ZSCAN20: variants seen among roughly 807,000 people sequenced by gnomAD.
ZSCAN20 encodes the protein zinc finger and SCAN domain containing 20.
Under a neutral mutation model 97.1 loss-of-function variants are expected in ZSCAN20, and 39 were observed. The observed-to-expected ratio is 0.40, with a 90% confidence interval of 0.31 to 0.52. ZSCAN20 has a LOEUF of 0.52. ZSCAN20 is among the 20% of genes least tolerant of loss of function. The pLI is 0.49. For missense variants in ZSCAN20, 1,115 were observed against 1,290.4 expected, an observed-to-expected ratio of 0.86 and a Z score of 2.08; for synonymous variants, 456 against 467.3, an observed-to-expected ratio of 0.98 and a Z score of 0.31.
chr1:33,481,195 A>G (rs1652145597), intron 2 of ZSCAN20, among the ~76,000 whole-genome samples: 1 of 152,030 alleles, frequency 6.6e-6, no homozygotes, highest in Non-Finnish European at 1.5e-5. Flanking sequence ...CCACCCCCCT[A>G]TATTATTTCT....
chr1:33,479,664 G>A lies in ZSCAN20; in HGVS notation c.376G>A (p.Val126Met). Residue 126 changes from valine to methionine, a missense_variant, in exon 2 of 8, where the codon GTG becomes ATG. This residue lies in a region of ZSCAN20 where 508 missense variants were observed against 611.2 expected (regional missense o/e 0.83). Transcript: ENST00000684572. ...PESGEEAVAL[V>M]EDWHRETRTA... Reference sequence around the variant, plus strand: ...GAGTGGTGAGGAGGCTGTGGCCTTGGTGGAGGATTGGCACCGAGAGACCAG... The same window carrying A: ...GAGTGGTGAGGAGGCTGTGGCCTTGATGGAGGATTGGCACCGAGAGACCAG... 6.3e-7 allele frequency: 1 copy of A among 1,594,190 alleles called. No individual in the cohort carries two copies. The highest frequency in any genetic ancestry group is 8.5e-7 in the Non-Finnish European group (1 of 1,172,468).
chr1:33,488,907 AG>A (rs1652481997), intron 3 of ZSCAN20, among the ~76,000 whole-genome samples: 1 of 152,088 alleles, frequency 6.6e-6, no homozygotes, highest in Non-Finnish European at 1.5e-5. Context: ...TGATCACAGG[AG>A]GTCAGGGCTG....
In ZSCAN20 at chr1:33,479,629, G is replaced by A. The variant is rs751311263; in HGVS notation, c.341G>A (p.Arg114His). The A allele has an allele frequency of 1.2e-5, 19 of 1,611,402 alleles. No individual in the cohort carries two copies. Among genetic ancestry groups the A allele is most frequent in the South Asian group, 4.4e-5 (4 of 90,782 alleles). ...GAGGTCCAGACCTGGGTGCAGGCAC[G>A]CCACCCTGAGAGTGGTGAGGAGGCT... is the stretch of plus-strand genomic sequence containing the variant. ...PREVQTWVQA[R>H]HPESGEEAVA... The change falls in exon 2 of 8, where the codon CGC becomes CAC. Residue 114 changes from arginine (R) to histidine (H), a missense_variant. Arg to His is a conservative substitution (Grantham distance 29, BLOSUM62 0). This residue lies in a region of ZSCAN20 where 508 missense variants were observed against 611.2 expected (regional missense o/e 0.83). Transcript: ENST00000684572.
intron 2 of ZSCAN20, among the ~76,000 whole-genome samples, chr1:33,485,584 A>AT (rs565672286): frequency 0.64 from 94,851 of 147,788 alleles, 30,322 homozygotes; most frequent in East Asian, 0.72. Flanking sequence ...ACTTTTGTAT[A>AT]TTTTTTTTTT....
chr1:33,482,774 G>A (rs1330914433), intron 2 of ZSCAN20, among the ~76,000 whole-genome samples: 3 of 152,124 alleles, frequency 2.0e-5, no homozygotes, highest in Non-Finnish European at 2.9e-5. Context: ...GTAGATAGTG[G>A]TATTTTATTG....
In ZSCAN20 at chr1:33,488,486, G is replaced by A; in HGVS notation, c.439G>A (p.Glu147Lys). Reference protein sequence around the residue: ...GQSGLELHTEETRPLKTGEEA... With the variant: ...GQSGLELHTEKTRPLKTGEEA... ...GTAGGGACTGGAATTGCATACAGAA[G>A]AGACCAGGCCCTTAAAGACAGGGGA... Residue 147 changes from glutamate to lysine, a missense_variant, in exon 3 of 8, where the codon GAG becomes AAG. By Grantham distance (56) the Glu-to-Lys change is moderately conservative. Coordinates refer to ENST00000684572, the MANE Select transcript of ZSCAN20 (RefSeq NM_001377376.1). 6.2e-7 allele frequency: 1 copy of A among 1,613,832 alleles called. No homozygotes were observed. Among genetic ancestry groups the A allele is most frequent in the African/African-American group, 1.3e-5 (1 of 75,006 alleles).
Position 33,494,205 on chromosome 1 carries a change from T to C in ZSCAN20, c.1874-13T>C. 1 of 1,543,576 alleles carries C rather than the reference T, an allele frequency of 6.5e-7. No individual in the cohort carries two copies. ...TGAGTGAAGAAAAACTGCATTTCTG[T>C]CCATTTTTTCAGGTTTTGAAATGAG... is the stretch of plus-strand genomic sequence containing the variant. On this transcript the variant is annotated splice_polypyrimidine_tract_variant and intron_variant, in intron 7 of 7. Transcript: ENST00000684572.
At chr1:33,484,181 G>A (rs181218499) in intron 2 of ZSCAN20, among the ~76,000 whole-genome samples, 21 of 152,080 alleles carry the variant, frequency 1.4e-4, no homozygotes, top group Non-Finnish European at 2.5e-4. Flanking sequence ...CCCAATCTAC[G>A]TACCTTTTGT....
At position 33,489,584 on chromosome 1, in the gene ZSCAN20, G is replaced by A. The variant is rs1652515357; in HGVS notation, c.748G>A (p.Gly250Arg). Residue 250 changes from glycine (G) to arginine (R), a missense_variant, in exon 5 of 8, where the codon GGG (glycine) becomes AGG (arginine). Physicochemically the swap from Gly to Arg is moderately radical, Grantham distance 125 (BLOSUM62 -2). Coordinates refer to ENST00000684572, the MANE Select transcript of ZSCAN20 (RefSeq NM_001377376.1). ...LCKDPPGDDC[G>R]NSVCLGVPVS... The stretch of plus-strand genomic sequence containing the variant: ...TAAAGACCCCCCAGGAGACGACTGT[G>A]GGAACAGCGTGTGCCTGGGTAAGGA... 6 of 1,614,000 alleles carry A rather than the reference G, an allele frequency of 3.7e-6. No individual in the cohort carries two copies. In the African/African-American group the frequency reaches 6.7e-5, roughly 18 times the overall value.
Position 33,491,368 on chromosome 1 carries a change from G to A in ZSCAN20, c.1110G>A (p.Leu370=). The change falls in exon 6 of 8, where the codon CTG becomes CTA. Residue 370 remains leucine, a synonymous_variant. Transcript: ENST00000684572. This position sits in a 1 kb window ranked among gnomAD's most constrained non-coding sequence, Gnocchi z 4.3. ...IAEQLRARGF[L]RTLEQCRYRV... ...AGCAGCTAAGGGCAAGGGGCTTCCT[G>A]CGGACACTGGAGCAATGTCGCTATA... 1 of 1,614,174 alleles carries A rather than the reference G, an allele frequency of 6.2e-7. No individual in the cohort carries two copies. The highest frequency in any genetic ancestry group is 8.5e-7 in the Non-Finnish European group (1 of 1,180,024).
Position 33,493,410 on chromosome 1 carries a change from A to C in ZSCAN20, c.1668A>C (p.Pro556=). The change falls in exon 7 of 8, where the codon CCA becomes CCC. Residue 556 remains proline, a synonymous_variant. Coordinates refer to ENST00000684572, the MANE Select transcript of ZSCAN20 (RefSeq NM_001377376.1). The surrounding 1 kb of genome is among the most constrained non-coding windows in gnomAD (Gnocchi z 4.3). The part of the protein sequence containing the change: ...SYRKAKSSHP[P]GTCPFYEELD... ...GGAAAGCCAAGAGCAGCCACCCACC[A>C]GGGACATGCCCTTTCTATGAGGAAC... 6.2e-7 allele frequency: 1 copy of C among 1,614,216 alleles called. No individual in the cohort carries two copies. The highest frequency in any genetic ancestry group is 8.5e-7 in the Non-Finnish European group (1 of 1,180,048).
chr1:33,493,725 A>G lies in ZSCAN20; in HGVS notation c.1873+110A>G. On this transcript the variant is annotated intron_variant, in intron 7 of 7. Transcript: ENST00000684572. The surrounding 1 kb of genome is among the most constrained non-coding windows in gnomAD (Gnocchi z 4.3). ...TAACTAAAAGAGAGAATGGGATTGA[A>G]TGGGAAAAAGTATTTCTGCTTTGCT... 8.1e-7 allele frequency: 1 copy of G among 1,230,824 alleles called. No individual in the cohort carries two copies. Among genetic ancestry groups the G allele is most frequent in the Non-Finnish European group, 1.1e-6 (1 of 894,998 alleles). The allele number at this position is 1,230,824 out of a possible 1,614,324, so 76.2% of individuals were successfully genotyped here.
intron 1 of ZSCAN20, among the ~76,000 whole-genome samples, chr1:33,473,896 C>T (rs1651824805): frequency 6.6e-6 from 1 of 152,158 alleles, no homozygotes; most frequent in Non-Finnish European, 1.5e-5. Context: ...TGATGTAAAG[C>T]AGTAAATACT....
intron 1 of ZSCAN20, among the ~76,000 whole-genome samples, chr1:33,478,826 A>T (rs1250471394): frequency 6.6e-6 from 1 of 152,174 alleles, no homozygotes; most frequent in Non-Finnish European, 1.5e-5. Context: ...GAGGTGTGGG[A>T]TGCCAGGCTA....
intron 1 of ZSCAN20, among the ~76,000 whole-genome samples, chr1:33,475,955 A>T (rs1024208675): frequency 6.6e-6 from 1 of 151,932 alleles, no homozygotes; most frequent in South Asian, 2.1e-4. Flanking sequence ...GGCGTGAGCC[A>T]CCGCGCCCGG....
intron 1 of ZSCAN20, among the ~76,000 whole-genome samples, chr1:33,475,413 A>G (rs1651881959): frequency 6.6e-6 from 1 of 152,264 alleles, no homozygotes; most frequent in Non-Finnish European, 1.5e-5. Context: ...GCTGCCTTTC[A>G]ATAAATAAAC....
In ZSCAN20 at chr1:33,497,692, G is replaced by C. The variant is rs553935146; in HGVS notation, c.*2216G>C. ...GTATTTCAGCTAAAGGCTAGGGTCT[G>C]AACTAGAGCAGTGGTGACACTGAGG... is the stretch of plus-strand genomic sequence containing the variant. On this transcript the variant is annotated 3_prime_UTR_variant, in exon 8 of 8. Coordinates refer to ENST00000684572, the MANE Select transcript of ZSCAN20 (RefSeq NM_001377376.1). 6.6e-6 allele frequency among the ~76,000 whole-genome samples: 1 copy of C among 152,196 alleles called. No individual in the cohort carries two copies. Among genetic ancestry groups the C allele is most frequent in the Admixed American group, 6.5e-5 (1 of 15,296 alleles).
chr1:33,474,293 A>G (rs978860233), intron 1 of ZSCAN20, among the ~76,000 whole-genome samples: 2 of 152,206 alleles, frequency 1.3e-5, no homozygotes, highest in African/African-American at 4.8e-5. Context: ...GTCAGGTCAG[A>G]CTGCTTTAAG....
chr1:33,489,205 C>T lies in ZSCAN20; in HGVS notation c.681+14C>T, dbSNP rs78576717. On this transcript the variant is annotated intron_variant, in intron 4 of 7. Transcript: ENST00000684572. Reference sequence around the variant, plus strand: ...GCTGAGTCCCAGGTAAGCTGTTACTCGTTCTTCCTTTCCTGTCATTGCTGC... The same window carrying T: ...GCTGAGTCCCAGGTAAGCTGTTACTTGTTCTTCCTTTCCTGTCATTGCTGC... 96,762 of 1,611,322 alleles carry T rather than the reference C, an allele frequency of 0.06. 3,337 individuals are homozygous for T. Among genetic ancestry groups the T allele is most frequent in the Middle Eastern group, 0.089 (523 of 5,908 alleles).
Sources: allele counts gnomAD v4.1 joint callset (sites outside exome capture counted in the v4.1 genomes callset), GRCh38; gene constraint gnomAD v4.1.1; regional missense constraint gnomAD v4.1.1; non-coding constraint Gnocchi (gnomAD v3.1); transcripts MANE v1.5; gene names NCBI Gene and HGNC (gene_info 2026-07-23, HGNC 2026-07-21).